Variants in PRR16 observed in about 807,000 individuals in gnomAD.
PRR16 encodes proline rich 16.
A neutral mutation model predicts 18.2 loss-of-function variants in PRR16; 6 were observed. That is an observed-to-expected ratio of 0.33 (90% CI 0.18 to 0.65). The LOEUF is 0.65. Ranked by LOEUF, PRR16 falls within the 30% of genes least tolerant of loss-of-function variation. PRR16 has a pLI of 0.74. For missense variants in PRR16, 412 were observed against 376.6 expected (o/e 1.09, Z -0.78); for synonymous variants, 151 against 147.8 (o/e 1.02, Z -0.16).
chr5:120,712,995 T>TAAAA, the PRR16 span, among the ~76,000 whole-genome samples: 1 of 152,090 alleles, frequency 6.6e-6, no homozygotes, highest in Non-Finnish European at 1.5e-5. Context: ...AATTAGTAAC[T>TAAAA]TGAAGAGATA....
chr5:120,768,088 C>G, the PRR16 span, among the ~76,000 whole-genome samples: 1 of 151,846 alleles, frequency 6.6e-6, no homozygotes, highest in Non-Finnish European at 1.5e-5. Flanking sequence ...ACTCCCAGCC[C>G]AAATCAACCA....
At chr5:120,693,305 G>A in the PRR16 span, among the ~76,000 whole-genome samples, 1 of 152,204 alleles carries the variant, frequency 6.6e-6, no homozygotes, top group Admixed American at 6.5e-5. Flanking sequence ...CACTTAATGG[G>A]GATGTTGAGT....
the PRR16 span, among the ~76,000 whole-genome samples, chr5:120,734,453 C>G: frequency 6.6e-6 from 1 of 152,140 alleles, no homozygotes; most frequent in Non-Finnish European, 1.5e-5. Context: ...ATTGTCATTA[C>G]ATCTAGAACT....
rs184366707 is a variant in PRR16 at position 120,587,006 on chromosome 5, A to G, written c.160-98948A>G. 8.6e-4 allele frequency among the ~76,000 whole-genome samples: 131 copies of G among 152,350 alleles called. 1 individual carries two copies. Among genetic ancestry groups the G allele is most frequent in the African/African-American group, 3.0e-3 (126 of 41,590 alleles). Reference sequence around the variant, plus strand: ...TTCTCTGGTGAACACACAAATGATAAGCAAAACAGCCTTATTGCTGATGAG... The same window carrying G: ...TTCTCTGGTGAACACACAAATGATAGGCAAAACAGCCTTATTGCTGATGAG... On this transcript the variant is annotated intron_variant, in intron 1 of 1. Transcript: ENST00000407149.
chr5:120,626,300 C>A (rs770566696), intron 1 of PRR16, among the ~76,000 whole-genome samples: 2 of 152,116 alleles, frequency 1.3e-5, no homozygotes, highest in Non-Finnish European at 2.9e-5. Flanking sequence ...ACTGCTGACA[C>A]ATGCTCCAAC....
downstream of PRR16, among the ~76,000 whole-genome samples, chr5:120,689,359 GTAAT>G (rs1757183262): frequency 6.6e-6 from 1 of 152,100 alleles, no homozygotes; most frequent in African/African-American, 2.4e-5. Context: ...CTGCAAACTT[GTAAT>G]TAAAGTATCA....
the PRR16 span, among the ~76,000 whole-genome samples, chr5:120,764,435 T>A: frequency 6.6e-6 from 1 of 152,098 alleles, no homozygotes; most frequent in Non-Finnish European, 1.5e-5. Context: ...AATTTTTTTT[T>A]AATGTGCTCT....
intron 1 of PRR16, among the ~76,000 whole-genome samples, chr5:120,535,076 C>CGTGT (rs34220996): frequency 0.042 from 6,167 of 146,296 alleles, 183 homozygotes; most frequent in East Asian, 0.14. Flanking sequence ...TCACTTTACA[C>CGTGT]GTGTGTGTGT....
chr5:120,534,681 T>C (rs1751659277), intron 1 of PRR16, among the ~76,000 whole-genome samples: 1 of 152,324 alleles, frequency 6.6e-6, no homozygotes, highest in Admixed American at 6.5e-5. Flanking sequence ...TCATTTTGTT[T>C]TCAGCATATT....
At chr5:120,755,181 A>C in the PRR16 span, among the ~76,000 whole-genome samples, 19 of 152,028 alleles carry the variant, frequency 1.2e-4, no homozygotes, top group East Asian at 1.4e-3. Flanking sequence ...CCTAAAACTT[A>C]GAGTATAATA....
the PRR16 span, among the ~76,000 whole-genome samples, chr5:120,776,858 A>C: frequency 6.6e-6 from 1 of 152,024 alleles, no homozygotes; most frequent in African/African-American, 2.4e-5. Flanking sequence ...TTCTGACCGT[A>C]ATTCTTATTA....
At chr5:120,581,634 T>C (rs1369703335) in intron 1 of PRR16, among the ~76,000 whole-genome samples, 5 of 152,144 alleles carry the variant, frequency 3.3e-5, no homozygotes, top group Admixed American at 3.3e-4. Context: ...GAGATCTTTC[T>C]AGCTGTTTGA....
chr5:120,541,479 C>T (rs1751913351), intron 1 of PRR16, among the ~76,000 whole-genome samples: 1 of 152,264 alleles, frequency 6.6e-6, no homozygotes, highest in East Asian at 1.9e-4. Context: ...AATGTTTTTG[C>T]TTCCCAACTC....
chr5:120,544,668 ACACT>A (rs1752020390), intron 1 of PRR16, among the ~76,000 whole-genome samples: 1 of 152,032 alleles, frequency 6.6e-6, no homozygotes, highest in African/African-American at 2.4e-5. Context: ...AAAAGTAATC[ACACT>A]CACATTCATA....
the PRR16 span, among the ~76,000 whole-genome samples, chr5:120,700,802 G>A: frequency 5.3e-5 from 8 of 152,252 alleles, no homozygotes; most frequent in South Asian, 4.1e-4. Context: ...CCCAAAGCTC[G>A]GCGTCGGTGA....
the PRR16 span, among the ~76,000 whole-genome samples, chr5:120,762,719 C>T: frequency 6.6e-6 from 1 of 150,936 alleles, no homozygotes; most frequent in Non-Finnish European, 1.5e-5. Context: ...AGTATTTTCT[C>T]CCACTCAACA....
the PRR16 span, among the ~76,000 whole-genome samples, chr5:120,751,665 T>G: frequency 2.6e-5 from 4 of 152,146 alleles, no homozygotes; most frequent in African/African-American, 7.2e-5. Context: ...TTGAATTACT[T>G]CAAATATGAA....
At chr5:120,708,140 C>T in the PRR16 span, among the ~76,000 whole-genome samples, 1,357 of 152,256 alleles carry the variant, frequency 8.9e-3, 22 homozygotes, top group African/African-American at 0.031. Flanking sequence ...ACAGTGAAAA[C>T]GCCATTCTCA....
chr5:120,591,710 G>T (rs1458435615), intron 1 of PRR16, among the ~76,000 whole-genome samples: 1 of 152,038 alleles, frequency 6.6e-6, no homozygotes, highest in Non-Finnish European at 1.5e-5. Context: ...CTCATAGCCT[G>T]TGTTGGACAT....
Sources: gnomAD v4.1 joint callset for allele counts (sites outside exome capture counted in the v4.1 genomes callset) on GRCh38, gnomAD v4.1.1 for gene constraint, MANE v1.5 for transcripts, NCBI Gene and HGNC (gene_info 2026-07-23, HGNC 2026-07-21) for gene names.